Variants in B4GALT6 observed in about 807,000 individuals in gnomAD.
The protein encoded by B4GALT6 is beta-1,4-galactosyltransferase 6, also known as UDP-Gal:beta-GlcNAc beta-1,4-galactosyltransferase 6.
In B4GALT6, 14 loss-of-function variants were observed where a neutral mutation model predicts 46.3. The ratio of observed to expected loss-of-function variants is 0.30; its 90% confidence interval spans 0.20 to 0.47. The LOEUF (loss-of-function observed/expected upper bound fraction) is 0.47. Ranked by LOEUF, B4GALT6 falls within the 20% of genes least tolerant of loss-of-function variation. The pLI is 0.99. For synonymous variants in B4GALT6, 168 were observed against 162.0 expected, an observed-to-expected ratio of 1.04 and a Z score of -0.28; for missense variants, 386 against 480.1, an observed-to-expected ratio of 0.80 and a Z score of 1.83.
rs1044638793 is a variant in B4GALT6 at position 31,624,834 on chromosome 18, G to A, written c.*780C>T. On this transcript the variant is annotated 3_prime_UTR_variant, in exon 9 of 9. Transcript: ENST00000306851. ...AACATAAAGAGATCCTTTATATCAT[G>A]TCACATCACAACTTTTAAGATTTTT... 2 of 152,542 alleles carry A rather than the reference G, an allele frequency of 1.3e-5. No individual in the cohort carries two copies. Among genetic ancestry groups the A allele is most frequent in the African/African-American group, 2.4e-5 (1 of 41,428 alleles). 9.4% of individuals were successfully genotyped at this position (152,542 alleles called of 1,614,324 possible).
intron 1 of B4GALT6, among the ~76,000 whole-genome samples, chr18:31,673,634 G>C (rs1479864742): frequency 6.6e-6 from 1 of 152,184 alleles, no homozygotes; most frequent in Non-Finnish European, 1.5e-5. Context: ...AGTTTGGTCA[G>C]GCACTGAGCT....
upstream of B4GALT6, among the ~76,000 whole-genome samples, chr18:31,690,287 A>C (rs2030065689): frequency 6.6e-6 from 1 of 151,662 alleles, no homozygotes. Context: ...GCCCACCACC[A>C]TGCCTGTCAA....
At chr18:31,662,194 G>T (rs1043226448) in intron 2 of B4GALT6, among the ~76,000 whole-genome samples, 3 of 152,076 alleles carry the variant, frequency 2.0e-5, no homozygotes, top group African/African-American at 7.2e-5. Context: ...TTCAAGTTAC[G>T]CAATATCATT....
the B4GALT6 span, among the ~76,000 whole-genome samples, chr18:31,694,607 T>C: frequency 6.6e-6 from 1 of 152,254 alleles, no homozygotes; most frequent in Non-Finnish European, 1.5e-5. Flanking sequence ...AAAGTGCCTG[T>C]AGGACTTTTG....
the B4GALT6 span, chr18:31,724,639 T>G: frequency 9.6e-7 from 1 of 1,039,280 alleles, no homozygotes; most frequent in Non-Finnish European, 1.2e-6. Flanking sequence ...CACACTGGGA[T>G]CTGAATGACA....
At chr18:31,642,080 G>A (rs1260276911) in intron 4 of B4GALT6, among the ~76,000 whole-genome samples, 1 of 152,118 alleles carries the variant, frequency 6.6e-6, no homozygotes, top group African/African-American at 2.4e-5. Flanking sequence ...GTACCTCCAG[G>A]AGCAGTTCTC....
Position 31,645,449 on chromosome 18 carries a change from A to T in B4GALT6, c.377T>A (p.Val126Asp). 6.2e-7 allele frequency: 1 copy of T among 1,613,204 alleles called. No individual in the cohort carries two copies. The highest frequency in any genetic ancestry group is 8.5e-7 in the Non-Finnish European group (1 of 1,179,754). ...RGFLNVNVSE[V>D]SFDEIHQLFS... Reference sequence around the variant, plus strand: ...GAGTTGATGAATTTCATCAAAACTGACTTCGCTTACATTGACATTGAGGAA... The same window carrying T: ...GAGTTGATGAATTTCATCAAAACTGTCTTCGCTTACATTGACATTGAGGAA... Residue 126 changes from valine (V) to aspartate (D), a missense_variant, in exon 4 of 9, where the codon GTC (valine) becomes GAC (aspartate). Val to Asp is a radical substitution (Grantham distance 152, BLOSUM62 -3). Coordinates refer to ENST00000306851, the MANE Select transcript of B4GALT6 (RefSeq NM_004775.5).
In B4GALT6 at chr18:31,624,345, T is replaced by C. The variant is rs1270918350; in HGVS notation, c.*1269A>G. ...TGAATACTGATCATGTATTTTAAGA[T>C]AATTCTATTAAATTATACTTTTAGA... On this transcript the variant is annotated 3_prime_UTR_variant, in exon 9 of 9. Coordinates refer to ENST00000306851, the MANE Select transcript of B4GALT6 (RefSeq NM_004775.5). 6.6e-6 allele frequency: 1 copy of C among 151,978 alleles called. No individual in the cohort carries two copies. Among genetic ancestry groups the C allele is most frequent in the African/African-American group, 2.4e-5 (1 of 41,412 alleles). The allele number at this position is 151,978 out of a possible 1,614,324, so 9.4% of individuals were successfully genotyped here.
chr18:31,687,430 T>C (rs1334787412), upstream of B4GALT6, among the ~76,000 whole-genome samples: 2 of 152,194 alleles, frequency 1.3e-5, no homozygotes, highest in African/African-American at 4.8e-5. Context: ...GAGGGATGCC[T>C]CAGGGTCTCA....
At chr18:31,690,659 C>T (rs55705955), upstream of B4GALT6, among the ~76,000 whole-genome samples, 1,694 of 151,690 alleles carry the variant, frequency 0.011, 39 homozygotes, top group African/African-American at 0.04. Flanking sequence ...TTAGTAGAGA[C>T]GGGGTTTCAC....
Position 31,623,333 on chromosome 18 carries a change from G to C in B4GALT6, c.*2281C>G, listed in dbSNP as rs983250228. 7 of 152,058 alleles carry C rather than the reference G, an allele frequency of 4.6e-5. No homozygotes were observed. Among genetic ancestry groups the C allele is most frequent in the African/African-American group, 1.7e-4 (7 of 41,430 alleles). 9.4% of individuals were successfully genotyped at this position (152,058 alleles called of 1,614,324 possible). A position where few individuals can be genotyped will look rare whatever the true frequency, so the allele number is the denominator to read the frequency against. ...AAAAAGCAAAACAAACAAACAAAAA[G>C]CAAACGAGGTGGTTTTCACAGGATG... On this transcript the variant is annotated 3_prime_UTR_variant, in exon 9 of 9. Coordinates refer to ENST00000306851, the MANE Select transcript of B4GALT6 (RefSeq NM_004775.5).
intron 2 of B4GALT6, among the ~76,000 whole-genome samples, chr18:31,661,001 C>G (rs1370270996): frequency 6.6e-6 from 1 of 152,184 alleles, no homozygotes; most frequent in Non-Finnish European, 1.5e-5. Context: ...TGGAAACCCC[C>G]CCTTAGCGTG....
At chr18:31,723,950 A>ACCCCC in the B4GALT6 span, among the ~76,000 whole-genome samples, 5 of 150,296 alleles carry the variant, frequency 3.3e-5, no homozygotes, top group East Asian at 3.9e-4. Flanking sequence ...CGCACCTCCA[A>ACCCCC]CCCACCCCAC....
intron 1 of B4GALT6, among the ~76,000 whole-genome samples, chr18:31,667,545 T>C (rs2074296489): frequency 6.6e-6 from 1 of 152,332 alleles, no homozygotes; most frequent in South Asian, 2.1e-4. Flanking sequence ...CCACTTTTTA[T>C]GTAAATGTGA....
upstream of B4GALT6, among the ~76,000 whole-genome samples, chr18:31,685,461 C>A (rs1416232575): frequency 6.6e-6 from 1 of 151,528 alleles, no homozygotes; most frequent in African/African-American, 2.4e-5. Context: ...CGCGCTCGCT[C>A]GGAACTCGGC....
At chr18:31,630,634 T>C (rs1471568593) in intron 6 of B4GALT6, among the ~76,000 whole-genome samples, 1 of 152,152 alleles carries the variant, frequency 6.6e-6, no homozygotes, top group Non-Finnish European at 1.5e-5. Flanking sequence ...GAACAAGGAA[T>C]ACACCTTCAG....
intron 1 of B4GALT6, among the ~76,000 whole-genome samples, chr18:31,682,600 G>C (rs2074492615): frequency 6.6e-6 from 1 of 151,790 alleles, no homozygotes; most frequent in African/African-American, 2.4e-5. Flanking sequence ...ATATACTGAC[G>C]CACTAACTTT....
chr18:31,677,758 G>C (rs2144734062), intron 1 of B4GALT6, among the ~76,000 whole-genome samples: 1 of 152,342 alleles, frequency 6.6e-6, no homozygotes, highest in East Asian at 1.9e-4. Context: ...AAGGGGAAAG[G>C]AGAAAAGAGG....
chr18:31,718,555 G>A, the B4GALT6 span, among the ~76,000 whole-genome samples: 1 of 152,170 alleles, frequency 6.6e-6, no homozygotes, highest in Non-Finnish European at 1.5e-5. Context: ...CTGGTGCTTG[G>A]AGAATCAGTT....
Sources: gnomAD v4.1 joint callset for allele counts (sites outside exome capture counted in the v4.1 genomes callset) on GRCh38, gnomAD v4.1.1 for gene constraint, MANE v1.5 for transcripts, NCBI Gene and HGNC (gene_info 2026-07-23, HGNC 2026-07-21) for gene names.